Variants in RUSC2 observed in about 807,000 individuals in gnomAD.
RUSC2 encodes RUN and SH3 domain containing 2.
Under a neutral mutation model 122.2 loss-of-function variants are expected in RUSC2, and 34 were observed. That is an observed-to-expected ratio of 0.28 (90% CI 0.21 to 0.37). RUSC2 has a LOEUF of 0.37. RUSC2 is among the 10% of genes least tolerant of loss of function. The pLI is 1.00. For missense variants in RUSC2, 1,747 were observed against 1,952.4 expected (o/e 0.89, Z 1.98); for synonymous variants, 784 against 790.0 (o/e 0.99, Z 0.13).
Position 35,561,220 on chromosome 9 carries a change from T to C in RUSC2, c.4389T>C (p.Pro1463=), listed in dbSNP as rs769972738. The change falls in exon 12 of 12, where the codon CCT becomes CCC. Residue 1463 remains proline, a synonymous_variant. Coordinates refer to ENST00000361226, the MANE Select transcript of RUSC2 (RefSeq NM_014806.5). ...TGTGCCACCACCTGGCCACCGGCCC[T>C]GGACAGCTGAGCTTCCACAAAGGAG... ...QALCHHLATG[P]GQLSFHKGDI... is the part of the protein sequence containing the mutation. The C allele has an allele frequency of 1.9e-6, 3 of 1,614,172 alleles. No homozygotes were observed. Among genetic ancestry groups the C allele is most frequent in the African/African-American group, 2.7e-5 (2 of 75,068 alleles).
At position 35,560,218 on chromosome 9, in the gene RUSC2, G is replaced by A. The variant is rs767905582; in HGVS notation, c.3578G>A (p.Arg1193Gln). The A allele has an allele frequency of 1.1e-5, 18 of 1,604,064 alleles. No homozygotes were observed. Among genetic ancestry groups the A allele is most frequent in the Admixed American group, 3.3e-5 (2 of 59,882 alleles). The part of the protein sequence containing the change: ...QQQRQHKELL[R>Q]VSQDLLLSAH... ...CAGCGGCAGCACAAGGAACTGCTGCGGGTGTCCCAGGACCTGCTGCTGTCT... is the reference window on the plus strand; with the variant it reads ...CAGCGGCAGCACAAGGAACTGCTGCAGGTGTCCCAGGACCTGCTGCTGTCT... Residue 1193 changes from arginine to glutamine, a missense_variant, in exon 10 of 12, where the codon CGG becomes CAG. By Grantham distance (43) the Arg-to-Gln change is conservative (BLOSUM62 1). Transcript: ENST00000361226.
rs1822087169 is a variant in RUSC2 at position 35,559,152 on chromosome 9, T to C, written c.3342-74T>C. On this transcript the variant is annotated intron_variant, in intron 8 of 11. Coordinates refer to ENST00000361226, the MANE Select transcript of RUSC2 (RefSeq NM_014806.5). ...CGTGTTCACCTATTCTTCCTGTGCC[T>C]GACCCCCTGGATCTGTCTCCTTATC... 3.3e-6 allele frequency: 4 copies of C among 1,217,716 alleles called. No homozygotes were observed. The Admixed American group carries it at 6.7e-5, about 20-fold the overall frequency. 75.4% of individuals were successfully genotyped at this position (1,217,716 alleles called of 1,614,324 possible). A position where few individuals can be genotyped will look rare whatever the true frequency, so the allele number is the denominator to read the frequency against.
chr9:35,549,556 G>A (rs1403095029), intron 2 of RUSC2, among the ~76,000 whole-genome samples: 1 of 152,200 alleles, frequency 6.6e-6, no homozygotes, highest in Non-Finnish European at 1.5e-5. Context: ...CCAGTGAAAG[G>A]GGTATGTAAA....
At chr9:35,513,389 C>T (rs754076196) in intron 1 of RUSC2, among the ~76,000 whole-genome samples, 3 of 151,914 alleles carry the variant, frequency 2.0e-5, no homozygotes, top group Non-Finnish European at 2.9e-5. Context: ...ATTACAGACA[C>T]GTGCCACCAT....
At chr9:35,526,025 G>GT (rs1388026663) in intron 1 of RUSC2, among the ~76,000 whole-genome samples, 1 of 152,198 alleles carries the variant, frequency 6.6e-6, no homozygotes, top group African/African-American at 2.4e-5. Flanking sequence ...CATTTTAACA[G>GT]TGCTTTATAT....
At chr9:35,554,136 C>T (rs1006834197) in intron 2 of RUSC2, among the ~76,000 whole-genome samples, 1 of 151,838 alleles carries the variant, frequency 6.6e-6, no homozygotes, top group East Asian at 1.9e-4. Flanking sequence ...GTGCTTATAG[C>T]GCCATCTTAC....
chr9:35,494,478 A>G (rs1415039320), intron 1 of RUSC2, among the ~76,000 whole-genome samples: 1 of 152,088 alleles, frequency 6.6e-6, no homozygotes, highest in Non-Finnish European at 1.5e-5. Context: ...TAATAATAGT[A>G]ATATAACCAT....
chr9:35,491,484 TTC>T (rs1453037913), intron 1 of RUSC2, among the ~76,000 whole-genome samples: 6 of 152,318 alleles, frequency 3.9e-5, no homozygotes, highest in African/African-American at 1.4e-4. Flanking sequence ...ACTGTTTCTC[TTC>T]TGTTTTGAGC....
In RUSC2 at chr9:35,560,859, C is replaced by T. The variant is rs1454363454; in HGVS notation, c.4211+8C>T. The T allele has an allele frequency of 1.3e-6, 2 of 1,547,324 alleles. No individual in the cohort carries two copies. Among genetic ancestry groups the T allele is most frequent in the East Asian group, 4.5e-5 (2 of 44,398 alleles). On this transcript the variant is annotated splice_region_variant and intron_variant, in intron 10 of 11. Transcript: ENST00000361226. ...GGCCCGGCCCACAAATAGGTGAGAGCCTGCCCATGGTAGGGATGGAGGGAG... is the reference window on the plus strand; with the variant it reads ...GGCCCGGCCCACAAATAGGTGAGAGTCTGCCCATGGTAGGGATGGAGGGAG...
rs779999067 is a variant in RUSC2, at chr9:35,548,110, C to A, written c.1589C>A (p.Ala530Asp). 2 of 1,613,086 alleles carry A rather than the reference C, an allele frequency of 1.2e-6. No individual in the cohort carries two copies. The highest frequency in any genetic ancestry group is 2.7e-5 in the African/African-American group (2 of 74,956). ...GTGCGCTTGAGTGAGGGCCCTGCAGCCATGGCCGGGCCTGGCTCCCCACCC... is the reference window on the plus strand; with the variant it reads ...GTGCGCTTGAGTGAGGGCCCTGCAGACATGGCCGGGCCTGGCTCCCCACCC... Reference protein sequence around the residue: ...CPVRLSEGPAAMAGPGSPPRR... With the variant: ...CPVRLSEGPADMAGPGSPPRR... The change falls in exon 2 of 12, where the codon GCC becomes GAC. Residue 530 changes from alanine to aspartate, a missense_variant. Ala to Asp is a moderately radical substitution (Grantham distance 126). Transcript: ENST00000361226. This position sits in a 1 kb window ranked among gnomAD's most constrained non-coding sequence, Gnocchi z 4.5.
intron 1 of RUSC2, among the ~76,000 whole-genome samples, chr9:35,519,225 G>A (rs1428034598): frequency 6.6e-6 from 1 of 152,244 alleles, no homozygotes; most frequent in Non-Finnish European, 1.5e-5. Context: ...GTAACCAGTA[G>A]AACTTGATAC....
At chr9:35,501,270 G>A (rs1820812847) in intron 1 of RUSC2, among the ~76,000 whole-genome samples, 3 of 152,250 alleles carry the variant, frequency 2.0e-5, no homozygotes, top group South Asian at 2.1e-4. Flanking sequence ...GCTCTGTAAA[G>A]AATAGTTCAG....
intron 1 of RUSC2, among the ~76,000 whole-genome samples, chr9:35,505,464 T>G (rs767248170): frequency 6.6e-6 from 1 of 152,194 alleles, no homozygotes; most frequent in Non-Finnish European, 1.5e-5. Context: ...CATGCAAACT[T>G]GGGTATGATT....
intron 1 of RUSC2, among the ~76,000 whole-genome samples, chr9:35,520,526 T>G (rs1486956785): frequency 6.6e-6 from 1 of 152,168 alleles, no homozygotes; most frequent in Non-Finnish European, 1.5e-5. Flanking sequence ...GCTTTGGGCA[T>G]TCTGATTGGA....
In RUSC2 at chr9:35,560,705, G is replaced by C; in HGVS notation, c.4065G>C (p.Glu1355Asp). 1 of 1,556,992 alleles carries C rather than the reference G, an allele frequency of 6.4e-7. No homozygotes were observed. The highest frequency in any genetic ancestry group is 8.7e-7 in the Non-Finnish European group (1 of 1,150,752). ...GCCCCCCTGACTCTGTGCTGGCCGA[G>C]CTGAGGCGCAGTCGGGAGAGGGAAG... ...MGSPPDSVLAELRRSREREGP... is the reference protein window; with the variant it reads ...MGSPPDSVLADLRRSREREGP... Residue 1355 changes from glutamate (E) to aspartate (D), a missense_variant, in exon 10 of 12, where the codon GAG becomes GAC. By Grantham distance (45) the Glu-to-Asp change is conservative (BLOSUM62 2). Transcript: ENST00000361226.
At position 35,561,040 on chromosome 9, in the gene RUSC2, A is replaced by G. The variant is rs1047298818; in HGVS notation, c.4292A>G (p.Glu1431Gly). 2 of 1,614,058 alleles carry G rather than the reference A, an allele frequency of 1.2e-6. No individual in the cohort carries two copies. Among genetic ancestry groups the G allele is most frequent in the African/African-American group, 2.7e-5 (2 of 74,944 alleles). ...ACAGTGGGTTCCCGCCGGGAGCCAG[A>G]GCCCAAGGAGAGCCTGCAGGAGCCA... ...AQTVGSRREPEPKESLQEPHS... is the reference protein window; with the variant it reads ...AQTVGSRREPGPKESLQEPHS... The change falls in exon 11 of 12, where the codon GAG becomes GGG. Residue 1431 changes from glutamate to glycine, a missense_variant. Glu to Gly is a moderately conservative substitution (Grantham distance 98, BLOSUM62 -2). Coordinates refer to ENST00000361226, the MANE Select transcript of RUSC2 (RefSeq NM_014806.5).
intron 1 of RUSC2, among the ~76,000 whole-genome samples, chr9:35,531,120 G>C (rs1245971646): frequency 6.6e-6 from 1 of 152,218 alleles, no homozygotes; most frequent in South Asian, 2.1e-4. Flanking sequence ...AATTAGCCGG[G>C]CTTGGTGTCG....
At chr9:35,554,036 A>G (rs1821954794) in intron 2 of RUSC2, among the ~76,000 whole-genome samples, 1 of 152,174 alleles carries the variant, frequency 6.6e-6, no homozygotes, top group African/African-American at 2.4e-5. Context: ...CACATTTCCT[A>G]ATATGTCAAG....
At chr9:35,537,888 G>A (rs757649320) in intron 1 of RUSC2, among the ~76,000 whole-genome samples, 1 of 152,216 alleles carries the variant, frequency 6.6e-6, no homozygotes, top group Non-Finnish European at 1.5e-5. Flanking sequence ...AGTGGACGGA[G>A]ACCTCACCGC....
Sources: allele counts gnomAD v4.1 joint callset (sites outside exome capture counted in the v4.1 genomes callset), GRCh38; gene constraint gnomAD v4.1.1; non-coding constraint Gnocchi (gnomAD v3.1); transcripts MANE v1.5; gene names NCBI Gene and HGNC (gene_info 2026-07-23, HGNC 2026-07-21).